Variants in CWC27 observed in about 807,000 individuals in gnomAD.
CWC27 encodes CWC27 spliceosome associated cyclophilin, also known as spliceosome-associated protein CWC27 homolog.
Under a neutral mutation model 63.6 loss-of-function variants are expected in CWC27, and 47 were observed. The observed-to-expected ratio is 0.74, with a 90% CI of 0.58 to 0.94. The LOEUF (loss-of-function observed/expected upper bound fraction) is 0.94. Ranked by LOEUF, CWC27 falls within the 40% of genes least tolerant of loss-of-function variation. CWC27 has a pLI of 0.00. For synonymous variants in CWC27, 175 were observed against 179.8 expected (o/e 0.97, Z 0.22); for missense variants, 495 against 554.3 (o/e 0.89, Z 1.07).
At chr5:64,791,622 C>T (rs972687802) in intron 7 of CWC27, among the ~76,000 whole-genome samples, 2 of 152,070 alleles carry the variant, frequency 1.3e-5, no homozygotes, top group East Asian at 1.9e-4. Context: ...CTGGCTCTTT[C>T]GTAGGGGGTG....
At chr5:64,954,240 A>C (rs1031274814) in intron 11 of CWC27, among the ~76,000 whole-genome samples, 4 of 152,100 alleles carry the variant, frequency 2.6e-5, no homozygotes, top group African/African-American at 9.7e-5. Context: ...TAGGTCTCCA[A>C]GTGTAATATC....
intron 2 of CWC27, among the ~76,000 whole-genome samples, chr5:64,778,488 G>A (rs1346985539): frequency 6.6e-6 from 1 of 151,856 alleles, no homozygotes; most frequent in African/African-American, 2.4e-5. Flanking sequence ...TATATACTGG[G>A]GTATATTTTA....
chr5:64,806,136 T>C (rs1050227510), intron 10 of CWC27, among the ~76,000 whole-genome samples: 5 of 143,696 alleles, frequency 3.5e-5, no homozygotes, highest in African/African-American at 1.0e-4. Context: ...ATTTCTTACA[T>C]AGGAACATAT....
At chr5:64,774,492 T>C (rs1561398914) in intron 1 of CWC27, among the ~76,000 whole-genome samples, 199 bp from the exon 2 acceptor site, 2 of 152,216 alleles carry the variant, frequency 1.3e-5, no homozygotes, top group African/African-American at 2.4e-5. Flanking sequence ...TCTGAAATGG[T>C]ATTTTGAAAG....
At chr5:64,801,964 T>C (rs1470577793) in intron 9 of CWC27, among the ~76,000 whole-genome samples, 3 of 152,202 alleles carry the variant, frequency 2.0e-5, no homozygotes. Flanking sequence ...TTATCTATTA[T>C]CACAGTCAAA....
chr5:64,820,573 G>C (rs1158258107), intron 10 of CWC27, among the ~76,000 whole-genome samples: 2 of 152,098 alleles, frequency 1.3e-5, no homozygotes, highest in Non-Finnish European at 2.9e-5. Context: ...ATGGTTAAAA[G>C]ATAGAGAGAT....
chr5:64,902,274 A>C (rs954751808), intron 11 of CWC27, among the ~76,000 whole-genome samples: 3 of 152,206 alleles, frequency 2.0e-5, no homozygotes, highest in Admixed American at 6.5e-5. Flanking sequence ...TTGCTCTACG[A>C]AATTATCATG....
chr5:64,848,466 A>C (rs2112292989), intron 10 of CWC27, among the ~76,000 whole-genome samples: 1 of 152,284 alleles, frequency 6.6e-6, no homozygotes, highest in East Asian at 1.9e-4. Flanking sequence ...AAGAGGAGGG[A>C]ATACTTTCAA....
At chr5:65,003,059 A>G (rs989608829) in intron 13 of CWC27, among the ~76,000 whole-genome samples, 2 of 152,092 alleles carry the variant, frequency 1.3e-5, no homozygotes, top group Admixed American at 1.3e-4. Flanking sequence ...GTCTCTTACA[A>G]TTTTTGACTT....
chr5:64,774,790 A>AAAGTATGAC lies in CWC27; in HGVS notation c.139+3_139+4insAAGTATGAC, dbSNP rs140062546. 6.4e-7 allele frequency: 1 copy of AAAGTATGAC among 1,552,374 alleles called. No individual in the cohort carries two copies. The highest frequency in any genetic ancestry group is 1.7e-4 in the Middle Eastern group (1 of 5,782). ...TTTTATCCAACTTTGTTTGGAAGGT[A>AAAGTATGAC]TGTTGACTTTTATTCTACTGGAGAA... On this transcript the variant is annotated splice_donor_region_variant and intron_variant, in intron 2 of 13. Transcript: ENST00000381070.
At chr5:64,940,963 C>T (rs1018523822) in intron 11 of CWC27, among the ~76,000 whole-genome samples, 3 of 150,118 alleles carry the variant, frequency 2.0e-5, no homozygotes, top group Non-Finnish European at 4.4e-5. Context: ...TCTCCTGCCT[C>T]AGCCTCCCAA....
chr5:64,769,237 G>T (rs373204384), intron 1 of CWC27, 49 bp downstream of exon 1: 231 of 1,561,712 alleles, frequency 1.5e-4, no homozygotes, highest in Non-Finnish European at 1.9e-4. Context: ...CCCAAAGTGA[G>T]ATTTCCCGGA....
chr5:65,016,543 T>A (rs1312425675), intron 13 of CWC27, among the ~76,000 whole-genome samples: 3 of 152,142 alleles, frequency 2.0e-5, no homozygotes, highest in Non-Finnish European at 4.4e-5. Context: ...AAGTAGATTC[T>A]AGATCATCCA....
intron 10 of CWC27, among the ~76,000 whole-genome samples, chr5:64,813,242 G>C (rs1275596828): frequency 6.6e-6 from 1 of 152,010 alleles, no homozygotes; most frequent in Non-Finnish European, 1.5e-5. Flanking sequence ...TTTTTCTTCT[G>C]TTTGGACATT....
At chr5:64,798,841 T>G (rs944280508) in intron 7 of CWC27, among the ~76,000 whole-genome samples, 5 of 152,208 alleles carry the variant, frequency 3.3e-5, no homozygotes, top group Non-Finnish European at 7.3e-5. Flanking sequence ...TCTTCAAAAT[T>G]TTTCAAAGCA....
intron 13 of CWC27, among the ~76,000 whole-genome samples, chr5:65,002,683 T>C (rs1580775540): frequency 1.3e-5 from 2 of 152,292 alleles, no homozygotes; most frequent in East Asian, 1.9e-4. Context: ...TTTTAATTTA[T>C]TGAGGCTTGT....
At chr5:64,875,991 A>G (rs1746783963) in intron 10 of CWC27, among the ~76,000 whole-genome samples, 1 of 152,132 alleles carries the variant, frequency 6.6e-6, no homozygotes. Flanking sequence ...TTTCATTTCT[A>G]GGTGAGTGAA....
chr5:64,854,492 G>A (rs1171087624), intron 10 of CWC27, among the ~76,000 whole-genome samples: 2 of 152,194 alleles, frequency 1.3e-5, no homozygotes, highest in African/African-American at 4.8e-5. Flanking sequence ...TTTAAGAGGT[G>A]TGAGAAATAT....
chr5:64,851,012 A>G (rs1269369960), intron 10 of CWC27, among the ~76,000 whole-genome samples: 1 of 152,208 alleles, frequency 6.6e-6, no homozygotes, highest in Non-Finnish European at 1.5e-5. Context: ...AAAATCTAAC[A>G]TTAGCATTAT....
Sources: allele counts gnomAD v4.1 joint callset (sites outside exome capture counted in the v4.1 genomes callset), GRCh38; gene constraint gnomAD v4.1.1; transcripts MANE v1.5; gene names NCBI Gene and HGNC (gene_info 2026-07-23, HGNC 2026-07-21).